Variants in GPATCH2 observed in about 807,000 individuals in gnomAD.
GPATCH2 encodes G patch domain-containing protein 2.
Under a neutral mutation model 58.0 loss-of-function variants are expected in GPATCH2, and 51 were observed. The ratio of observed to expected loss-of-function variants is 0.88; its 90% CI spans 0.70 to 1.11. The LOEUF is 1.11. Among genes scored for constraint, GPATCH2 ranks in the 50% most tolerant of loss-of-function variants. The pLI, the probability that GPATCH2 is intolerant of heterozygous loss-of-function variation, is 0.00. For missense variants in GPATCH2, 625 were observed against 652.2 expected, an observed-to-expected ratio of 0.96 and a Z score of 0.45; for synonymous variants, 222 against 218.5, an observed-to-expected ratio of 1.02 and a Z score of -0.14.
intron 5 of GPATCH2, among the ~76,000 whole-genome samples, chr1:217,592,971 A>C (rs887320348): frequency 2.0e-5 from 3 of 151,998 alleles, no homozygotes; most frequent in Non-Finnish European, 4.4e-5. Context: ...GGTAACAGTC[A>C]TCTAACAACC....
chr1:217,629,833 T>A (rs1003962629), intron 1 of GPATCH2, among the ~76,000 whole-genome samples: 4 of 152,236 alleles, frequency 2.6e-5, no homozygotes, highest in Non-Finnish European at 5.9e-5. Context: ...ATATTCACTA[T>A]AAAATTAACT....
In GPATCH2 at chr1:217,491,746, T is replaced by C; in HGVS notation, c.1211A>G (p.Gln404Arg). 1 of 1,370,524 alleles carries C rather than the reference T, an allele frequency of 7.3e-7. No homozygotes were observed. Among genetic ancestry groups the C allele is most frequent in the Non-Finnish European group, 1.0e-6 (1 of 974,538 alleles). 84.9% of individuals were successfully genotyped at this position (1,370,524 alleles called of 1,614,324 possible). ...PGARTEHDQHQLLRDNRAERG... is the reference protein window; with the variant it reads ...PGARTEHDQHRLLRDNRAERG... Reference sequence around the variant, plus strand: ...TTCAGCTCGATTATCTCTCAGAAGCTGATGCTACACAAAGTGTTAAGACAA... The same window carrying C: ...TTCAGCTCGATTATCTCTCAGAAGCCGATGCTACACAAAGTGTTAAGACAA... Residue 404 changes from glutamine (Q) to arginine (R), a missense_variant, in exon 8 of 10, where the codon CAG (glutamine) becomes CGG (arginine). Physicochemically the swap from Gln to Arg is conservative, Grantham distance 43 (BLOSUM62 1). Transcript: ENST00000366935.
At chr1:217,527,576 T>G (rs1174055520) in intron 5 of GPATCH2, among the ~76,000 whole-genome samples, 2 of 152,036 alleles carry the variant, frequency 1.3e-5, no homozygotes, top group African/African-American at 2.4e-5. Context: ...TACGTGCCTT[T>G]CTATGTCAGG....
intron 5 of GPATCH2, among the ~76,000 whole-genome samples, chr1:217,523,550 T>C (rs1163948463): frequency 6.6e-6 from 1 of 151,668 alleles, no homozygotes; most frequent in Non-Finnish European, 1.5e-5. Context: ...CAGAACAAAA[T>C]GAAAAGTCTC....
intron 1 of GPATCH2, among the ~76,000 whole-genome samples, chr1:217,626,366 T>G (rs3790733): frequency 0.19 from 28,178 of 152,140 alleles, 2,919 homozygotes; most frequent in Middle Eastern, 0.25. Context: ...GATAGTCTTG[T>G]ACTTATACGC....
intron 5 of GPATCH2, among the ~76,000 whole-genome samples, chr1:217,547,390 G>A (rs1462785029): frequency 6.6e-6 from 1 of 151,942 alleles, no homozygotes; most frequent in African/African-American, 2.4e-5. Context: ...CGGCAAGGTT[G>A]TAAAGAAAAA....
chr1:217,521,713 G>C (rs528268812), intron 5 of GPATCH2, among the ~76,000 whole-genome samples: 1 of 152,286 alleles, frequency 6.6e-6, no homozygotes, highest in South Asian at 2.1e-4. Flanking sequence ...GGGAAAATTA[G>C]AGAACTTAGG....
intron 5 of GPATCH2, among the ~76,000 whole-genome samples, chr1:217,531,913 T>C (rs1664208409): frequency 6.6e-6 from 1 of 152,180 alleles, no homozygotes; most frequent in Admixed American, 6.5e-5. Context: ...TGCATCAATA[T>C]AATTAAGAAA....
intron 5 of GPATCH2, among the ~76,000 whole-genome samples, chr1:217,585,023 GCATAA>G (rs1667272010): frequency 6.6e-6 from 1 of 151,882 alleles, no homozygotes; most frequent in African/African-American, 2.4e-5. Context: ...TTAATATAAT[GCATAA>G]TAGACCTTAT....
chr1:217,608,328 T>C (rs1406616817), intron 5 of GPATCH2: 8 of 984,416 alleles, frequency 8.1e-6, no homozygotes, highest in Non-Finnish European at 9.6e-6. Context: ...ACAAAAAACA[T>C]AGACCAGAAA....
At chr1:217,582,718 G>A (rs1460746707) in intron 5 of GPATCH2, among the ~76,000 whole-genome samples, 1 of 152,108 alleles carries the variant, frequency 6.6e-6, no homozygotes, top group East Asian at 1.9e-4. Context: ...GAAGGTGACA[G>A]GTATATAAAC....
intron 5 of GPATCH2, among the ~76,000 whole-genome samples, chr1:217,563,843 G>A (rs1270293705): frequency 6.6e-6 from 1 of 151,880 alleles, no homozygotes; most frequent in Non-Finnish European, 1.5e-5. Flanking sequence ...TAAGGAGTTC[G>A]AGACCAGCCT....
chr1:217,496,837 T>C (rs1463485742), intron 7 of GPATCH2, among the ~76,000 whole-genome samples: 1 of 152,130 alleles, frequency 6.6e-6, no homozygotes, highest in African/African-American at 2.4e-5. Flanking sequence ...ACATAGAACA[T>C]AACTACCATA....
chr1:217,585,361 G>A (rs933781747), intron 5 of GPATCH2, among the ~76,000 whole-genome samples: 11 of 152,098 alleles, frequency 7.2e-5, no homozygotes, highest in Non-Finnish European at 1.0e-4. Flanking sequence ...GGTGGCTCAC[G>A]CCTATAATCC....
chr1:217,474,613 C>A lies in GPATCH2; in HGVS notation c.1277+17067G>T, dbSNP rs555352466. Among the ~76,000 whole-genome samples, 11 of 152,314 alleles carry A rather than the reference C, an allele frequency of 7.2e-5. No individual in the cohort carries two copies. In the South Asian group the frequency reaches 2.3e-3, roughly 32 times the overall value. Reference sequence around the variant, plus strand: ...ATTCCAAAGACTAAAGCCATAACTGCATAGCACTTTATTCAGAGCTTTTGT... The same window carrying A: ...ATTCCAAAGACTAAAGCCATAACTGAATAGCACTTTATTCAGAGCTTTTGT... On this transcript the variant is annotated intron_variant, in intron 8 of 9. Transcript: ENST00000366935.
intron 5 of GPATCH2, among the ~76,000 whole-genome samples, chr1:217,540,380 G>A (rs1664678660): frequency 6.6e-6 from 1 of 152,078 alleles, no homozygotes; most frequent in South Asian, 2.1e-4. Context: ...GGAGCCCTAT[G>A]ATAACAATTT....
At chr1:217,510,141 A>C (rs1480995342) in intron 6 of GPATCH2, among the ~76,000 whole-genome samples, 1 of 152,160 alleles carries the variant, frequency 6.6e-6, no homozygotes, top group Non-Finnish European at 1.5e-5. Flanking sequence ...CCATTTTTGA[A>C]TATGTATTGC....
intron 8 of GPATCH2, among the ~76,000 whole-genome samples, chr1:217,461,382 AT>A (rs1383791884): frequency 2.0e-5 from 3 of 152,150 alleles, no homozygotes; most frequent in Admixed American, 6.5e-5. Flanking sequence ...AGAAAACAGT[AT>A]TTTCTGCCTT....
intron 9 of GPATCH2, among the ~76,000 whole-genome samples, 164 bp downstream of exon 9, chr1:217,449,084 GA>G (rs1659533936): frequency 6.6e-6 from 1 of 152,198 alleles, no homozygotes; most frequent in African/African-American, 2.4e-5. Context: ...TCTACACATG[GA>G]ACATGTAATA....
Sources: gnomAD v4.1 joint callset for allele counts (sites outside exome capture counted in the v4.1 genomes callset) on GRCh38, gnomAD v4.1.1 for gene constraint, MANE v1.5 for transcripts, NCBI Gene and HGNC (gene_info 2026-07-23, HGNC 2026-07-21) for gene names.